The following CEP128 variants were observed in gnomAD, a reference collection of about 807,000 sequenced individuals.
The protein encoded by CEP128 is centrosomal protein 128kDa.
In CEP128, 132 loss-of-function variants were observed where a neutral mutation model predicts 156.7. That is an observed-to-expected ratio of 0.84 (90% CI 0.73 to 0.97). The LOEUF is 0.97. CEP128 is among the 50% of genes least tolerant of loss of function. CEP128 has a pLI of 0.00. For synonymous variants in CEP128, 469 were observed against 448.9 expected, an observed-to-expected ratio of 1.04 and a Z score of -0.57; for missense variants, 1,252 against 1,281.9, an observed-to-expected ratio of 0.98 and a Z score of 0.36.
At chr14:80,589,577 GAA>G (rs979902816) in intron 19 of CEP128, among the ~76,000 whole-genome samples, 3 of 152,084 alleles carry the variant, frequency 2.0e-5, no homozygotes, top group Admixed American at 6.5e-5. Flanking sequence ...TTTCCTCAGT[GAA>G]AGAGTCATGC....
Position 80,792,834 on chromosome 14 carries a change from T to A in CEP128, c.1486A>T (p.Lys496Ter). Residue 496 changes from lysine (K) to a stop codon, truncating the protein, a stop_gained, in exon 14 of 25, where the codon AAG becomes TAG. Transcript: ENST00000555265. LOFTEE classifies it high-confidence loss of function. ...AACGCTCGTTCTAACTTCTTATGCT[T>A]AAGCTTCCACTGCCTAATGGATTCT... is the stretch of plus-strand genomic sequence containing the variant. ...AQESIRQWKL[K>*]HKKLERALEK... 1.2e-6 allele frequency: 2 copies of A among 1,614,218 alleles called. No homozygotes were observed. The highest frequency in any genetic ancestry group is 1.7e-6 in the Non-Finnish European group (2 of 1,180,020).
intron 13 of CEP128, among the ~76,000 whole-genome samples, chr14:80,808,875 A>G (rs28510159): frequency 0.065 from 9,835 of 152,244 alleles, 1,055 homozygotes; most frequent in African/African-American, 0.22. Context: ...TTCCTCCCCT[A>G]TGAAAGCAAA....
intron 19 of CEP128, among the ~76,000 whole-genome samples, chr14:80,734,832 T>TC (rs1192133973): frequency 3.0e-5 from 3 of 99,328 alleles, no homozygotes; most frequent in Non-Finnish European, 5.4e-5. Flanking sequence ...TGGTGACATA[T>TC]CAAGACCCCA....
chr14:80,514,717 CTGGTGTG>C, intron 23 of CEP128: 1 of 384,014 alleles, frequency 2.6e-6, no homozygotes, highest in Non-Finnish European at 5.3e-6. Flanking sequence ...GTATCAGTCT[CTGGTGTG>C]TTATTTAGTT....
intron 1 of CEP128, among the ~76,000 whole-genome samples, chr14:80,941,242 G>T (rs971215165): frequency 3.3e-5 from 5 of 152,152 alleles, no homozygotes; most frequent in African/African-American, 1.2e-4. Flanking sequence ...TCCTCTGGAG[G>T]ACCTACCGAA....
intron 21 of CEP128, among the ~76,000 whole-genome samples, chr14:80,540,818 C>CT (rs1338668004): frequency 1.3e-5 from 2 of 152,012 alleles, no homozygotes; most frequent in Non-Finnish European, 2.9e-5. Flanking sequence ...TCAGGGTGTC[C>CT]TTTGCATAGA....
At chr14:80,806,243 T>A (rs1351217039) in intron 13 of CEP128, among the ~76,000 whole-genome samples, 4 of 152,164 alleles carry the variant, frequency 2.6e-5, no homozygotes, top group Non-Finnish European at 5.9e-5. Context: ...TACAACCTCT[T>A]TGTACTTTTT....
chr14:80,934,856 T>C (rs1566725242), intron 2 of CEP128, among the ~76,000 whole-genome samples: 1 of 152,220 alleles, frequency 6.6e-6, no homozygotes, highest in Non-Finnish European at 1.5e-5. Context: ...TATGAGACTA[T>C]AACTGGTATA....
upstream of CEP128, among the ~76,000 whole-genome samples, chr14:80,946,353 GATGATGCCTCATGATGCAT>G (rs1566731663): frequency 2.9e-5 from 4 of 138,280 alleles, no homozygotes; most frequent in African/African-American, 1.1e-4. Context: ...GATGCATCAT[GATGATGCCTCATGATGCAT>G]CATGATGATG....
chr14:80,796,853 T>C (rs1272475517), intron 13 of CEP128, among the ~76,000 whole-genome samples: 1 of 152,188 alleles, frequency 6.6e-6, no homozygotes, highest in African/African-American at 2.4e-5. Context: ...ATCTTAAATT[T>C]AGCAAGTCAA....
At chr14:80,710,775 AT>A (rs1187965016) in intron 19 of CEP128, among the ~76,000 whole-genome samples, 2 of 152,140 alleles carry the variant, frequency 1.3e-5, no homozygotes, top group Non-Finnish European at 2.9e-5. Context: ...GAATAAAAAA[AT>A]CAAACGTGAT....
chr14:80,623,318 G>A, intron 19 of CEP128, among the ~76,000 whole-genome samples: 1 of 150,904 alleles, frequency 6.6e-6, no homozygotes, highest in Non-Finnish European at 1.5e-5. Flanking sequence ...GTGGGGTGGG[G>A]GGAAGGGGGA....
intron 16 of CEP128, 107 bp from the exon 17 acceptor site, chr14:80,761,720 G>A: frequency 1.4e-6 from 1 of 697,056 alleles, no homozygotes; most frequent in Non-Finnish European, 2.3e-6. Flanking sequence ...AAAGAAATCT[G>A]ATTCCATCAG....
intron 8 of CEP128, among the ~76,000 whole-genome samples, chr14:80,889,956 A>C (rs1889009796): frequency 1.3e-5 from 2 of 152,154 alleles, no homozygotes; most frequent in African/African-American, 2.4e-5. Flanking sequence ...CCCACCAAAA[A>C]ACTGGGCAAA....
At chr14:80,541,893 C>T (rs1889780033) in intron 21 of CEP128, among the ~76,000 whole-genome samples, 1 of 152,260 alleles carries the variant, frequency 6.6e-6, no homozygotes, top group African/African-American at 2.4e-5. Flanking sequence ...GAGTTTAAAC[C>T]CTGGGTTAGT....
chr14:80,693,575 A>G (rs1896789435), intron 19 of CEP128, among the ~76,000 whole-genome samples: 1 of 152,198 alleles, frequency 6.6e-6, no homozygotes. Flanking sequence ...CAAATATCTT[A>G]AAGATATTTT....
chr14:80,733,995 C>T (rs1218150143), intron 19 of CEP128, among the ~76,000 whole-genome samples: 1 of 152,128 alleles, frequency 6.6e-6, no homozygotes, highest in Non-Finnish European at 1.5e-5. Flanking sequence ...TTTCATGTTT[C>T]AGCCAAGTTC....
chr14:80,914,246 C>T (rs1255451254), intron 4 of CEP128, 76 bp downstream of exon 4: 4 of 997,404 alleles, frequency 4.0e-6, no homozygotes, highest in Admixed American at 1.8e-5. Flanking sequence ...TCCTTTAGCT[C>T]ACAGCCCCAT....
chr14:80,930,331 T>C (rs1885389935), intron 2 of CEP128, among the ~76,000 whole-genome samples: 1 of 152,184 alleles, frequency 6.6e-6, no homozygotes, highest in Admixed American at 6.5e-5. Flanking sequence ...AGTCCGCACA[T>C]GGCCCGCCCA....
Sources: gnomAD v4.1 joint callset for allele counts (sites outside exome capture counted in the v4.1 genomes callset) on GRCh38, gnomAD v4.1.1 for gene constraint, MANE v1.5 for transcripts, NCBI Gene and HGNC (gene_info 2026-07-23, HGNC 2026-07-21) for gene names.